AHCTF1: variants seen among roughly 807,000 people sequenced by gnomAD.
The protein encoded by AHCTF1 is protein ELYS.
A neutral mutation model predicts 248.4 loss-of-function variants in AHCTF1; 24 were observed. The ratio of observed to expected loss-of-function variants is 0.10; its 90% CI spans 0.07 to 0.14. The LOEUF is 0.14. AHCTF1 is among the 10% of genes least tolerant of loss of function. The probability of loss-of-function intolerance (pLI) is 1.00; values close to 1 mark genes in which losing one functional copy is unlikely to be tolerated. For missense variants in AHCTF1, 2,206 were observed against 2,636.2 expected (o/e 0.84, Z 3.57); for synonymous variants, 786 against 929.8 (o/e 0.85, Z 2.81).
At chr1:246,863,565 A>G (rs990301525) in intron 27 of AHCTF1, among the ~76,000 whole-genome samples, 2 of 152,202 alleles carry the variant, frequency 1.3e-5, no homozygotes, top group Non-Finnish European at 1.5e-5. Flanking sequence ...CAAATAAACC[A>G]AAGAACTAAA....
intron 8 of AHCTF1, among the ~76,000 whole-genome samples, chr1:246,901,561 T>C (rs1220721694): frequency 1.3e-5 from 2 of 152,106 alleles, no homozygotes; most frequent in African/African-American, 4.8e-5. Context: ...GAGGCGGAGC[T>C]TGCAGTGAGC....
chr1:246,890,244 ATC>A (rs1307153929), intron 16 of AHCTF1, among the ~76,000 whole-genome samples, 185 bp from the exon 17 acceptor site: 1 of 152,224 alleles, frequency 6.6e-6, no homozygotes, highest in Non-Finnish European at 1.5e-5. Context: ...TGAGAAAATG[ATC>A]TGTCATGAAA....
At chr1:246,919,423 TC>T (rs1317603600) in intron 1 of AHCTF1, among the ~76,000 whole-genome samples, 3 of 152,152 alleles carry the variant, frequency 2.0e-5, no homozygotes, top group African/African-American at 7.2e-5. Flanking sequence ...TATATGGAAA[TC>T]CTCAAGAGGC....
chr1:246,867,586 A>G, intron 25 of AHCTF1, 75 bp downstream of exon 25: 1 of 1,526,442 alleles, frequency 6.6e-7, no homozygotes, highest in Admixed American at 1.9e-5. Flanking sequence ...AAGAGAGTGG[A>G]TTGTTGATGA....
intron 29 of AHCTF1, among the ~76,000 whole-genome samples, chr1:246,859,096 T>C (rs1225746587): frequency 6.6e-6 from 1 of 152,182 alleles, no homozygotes; most frequent in East Asian, 1.9e-4. Context: ...TGTAAATTTC[T>C]AGACATATGC....
chr1:246,855,012 CT>C (rs1661012300), intron 31 of AHCTF1, among the ~76,000 whole-genome samples: 1 of 152,218 alleles, frequency 6.6e-6, no homozygotes, highest in Non-Finnish European at 1.5e-5. Context: ...CATGTATTAC[CT>C]TAATCATGGG....
intron 5 of AHCTF1, among the ~76,000 whole-genome samples, chr1:246,906,108 G>A (rs940827762): frequency 6.6e-6 from 1 of 152,186 alleles, no homozygotes; most frequent in Non-Finnish European, 1.5e-5. Flanking sequence ...CTTTTCAGCT[G>A]TTTGGGTTTA....
intron 24 of AHCTF1, among the ~76,000 whole-genome samples, chr1:246,875,584 T>C (rs1662879670): frequency 1.3e-5 from 2 of 152,178 alleles, no homozygotes; most frequent in South Asian, 4.1e-4. Flanking sequence ...TAAATTGACA[T>C]GGCCAACTTC....
intron 24 of AHCTF1, among the ~76,000 whole-genome samples, chr1:246,873,836 CTG>C (rs1662763665): frequency 6.6e-6 from 1 of 152,210 alleles, no homozygotes; most frequent in African/African-American, 2.4e-5. Flanking sequence ...AAAACGTTCC[CTG>C]TGTCACCTTG....
At chr1:246,851,571 A>G in intron 32 of AHCTF1, 129 bp from the exon 33 acceptor site, 2 of 746,894 alleles carry the variant, frequency 2.7e-6, no homozygotes, top group Non-Finnish European at 4.1e-6. Flanking sequence ...TATGGCATAT[A>G]CTTATGGGTT....
At chr1:246,890,119 A>G in intron 16 of AHCTF1, 60 bp from the exon 17 acceptor site, 1 of 1,166,868 alleles carries the variant, frequency 8.6e-7, no homozygotes, top group South Asian at 1.4e-5. Context: ...TCAACAATAC[A>G]TATTAATATT....
chr1:246,859,889 G>C (rs1221744470), intron 29 of AHCTF1, among the ~76,000 whole-genome samples: 1 of 151,938 alleles, frequency 6.6e-6, no homozygotes, highest in African/African-American at 2.4e-5. Context: ...GATTATTTTG[G>C]AGGTGAGGAC....
intron 1 of AHCTF1, 119 bp downstream of exon 1, chr1:246,931,459 G>A (rs563225195): frequency 1.8e-6 from 2 of 1,089,344 alleles, no homozygotes; most frequent in African/African-American, 1.8e-5. Context: ...CCTAGGCCCG[G>A]CGCTCGCGGG....
chr1:246,876,922 C>G lies in AHCTF1; in HGVS notation c.2937+28G>C, dbSNP rs567064643. 18 of 1,607,756 alleles carry G rather than the reference C, an allele frequency of 1.1e-5. No homozygotes were observed. The Admixed American group carries it at 2.0e-4, about 18-fold the overall frequency. The stretch of plus-strand genomic sequence containing the variant: ...CTCCAGTTTTCCTTATTCTCTTATC[C>G]CCCATAATAAGACAACTTTAATCGT... On this transcript the variant is annotated intron_variant, in intron 23 of 35. Transcript: ENST00000648844.
At position 246,916,650 on chromosome 1, in the gene AHCTF1, T is replaced by A. The variant is rs1451380128; in HGVS notation, c.122-255A>T. Among the ~76,000 whole-genome samples, 4 of 152,134 alleles carry A rather than the reference T, an allele frequency of 2.6e-5. No individual in the cohort carries two copies. In the East Asian group the frequency reaches 7.7e-4, roughly 29 times the overall value. On this transcript the variant is annotated intron_variant, in intron 2 of 35. Transcript: ENST00000648844. ...GCCTGCGTGACAGAGCAAGACTTCA[T>A]CTCAAATAATAATAATAATAGTCAT...
In AHCTF1 at chr1:246,867,706, A is replaced by G; in HGVS notation, c.3194T>C (p.Val1065Ala). 1 of 1,612,710 alleles carries G rather than the reference A, an allele frequency of 6.2e-7. No homozygotes were observed. The highest frequency in any genetic ancestry group is 8.5e-7 in the Non-Finnish European group (1 of 1,179,794). The change falls in exon 25 of 36, where the codon GTT (valine) becomes GCT (alanine). Residue 1065 changes from valine (V) to alanine (A), a missense_variant. Coordinates refer to ENST00000648844, the MANE Select transcript of AHCTF1 (RefSeq NM_001323342.2). ...ATTTATAGGTTCTTTGCTTGCCCAA[A>G]CTTCTCCAATTTTAGATAACACATT... The part of the protein sequence containing the change: ...INNVLSKIGE[V>A]WASKEPINST...
chr1:246,888,190 G>T lies in AHCTF1; in HGVS notation c.2312C>A (p.Ala771Asp), dbSNP rs182444981. The T allele has an allele frequency of 6.2e-7, 1 of 1,613,972 alleles. No homozygotes were observed. The highest frequency in any genetic ancestry group is 2.2e-5 in the East Asian group (1 of 44,868). The change falls in exon 19 of 36, where the codon GCC (alanine) becomes GAC (aspartate). Residue 771 changes from alanine (A) to aspartate (D), a missense_variant. By Grantham distance (126) the Ala-to-Asp change is moderately radical. Coordinates refer to ENST00000648844, the MANE Select transcript of AHCTF1 (RefSeq NM_001323342.2). ...TTAAAAGGATACAATAGAGTGTTTG[G>T]CTGCTTCAGTAACGCCGTCTAATAG... ...MYLLDGVTEAAKHSITIYLLL... is the reference protein window; with the variant it reads ...MYLLDGVTEADKHSITIYLLL...
chr1:246,850,321 C>T lies in AHCTF1; in HGVS notation c.5685G>A (p.Thr1895=), dbSNP rs374222002. ...TGATCATTCTGCTAGGACTTGTTAC[C>T]GTACTAACTTTTAGATCATTTATAA... The part of the protein sequence containing the change: ...VEIINDLKVS[T]VTSPSRMIRK... Residue 1895 remains threonine (T), a synonymous_variant, in exon 33 of 36, where the codon ACG becomes ACA. Transcript: ENST00000648844. 73 of 1,613,716 alleles carry T rather than the reference C, an allele frequency of 4.5e-5. 1 individual carries two copies. The highest frequency in any genetic ancestry group is 5.6e-5 in the Non-Finnish European group (66 of 1,179,826).
chr1:246,908,070 T>C (rs1463268467), intron 4 of AHCTF1, among the ~76,000 whole-genome samples: 1 of 152,152 alleles, frequency 6.6e-6, no homozygotes, highest in Non-Finnish European at 1.5e-5. Context: ...TATTTCTTTA[T>C]TGAAATTTAG....
Sources: allele counts gnomAD v4.1 joint callset (sites outside exome capture counted in the v4.1 genomes callset), GRCh38; gene constraint gnomAD v4.1.1; transcripts MANE v1.5; gene names NCBI Gene and HGNC (gene_info 2026-07-23, HGNC 2026-07-21).